Variants in CFAP57 observed in about 807,000 individuals in gnomAD.
CFAP57 encodes the protein cilia and flagella associated protein 57.
CFAP57 carries 116 observed loss-of-function variants against 146.8 expected under a neutral mutation model. The ratio of observed to expected loss-of-function variants is 0.79; its 90% CI spans 0.68 to 0.92. The LOEUF is 0.92. CFAP57 is among the 40% of genes least tolerant of loss of function. The pLI is 0.00. For missense variants in CFAP57, 1,377 were observed against 1,527.2 expected (o/e 0.90, Z 1.64); for synonymous variants, 518 against 552.8 (o/e 0.94, Z 0.88).
intron 17 of CFAP57, among the ~76,000 whole-genome samples, chr1:43,225,407 A>G (rs1309667985): frequency 1.3e-5 from 2 of 152,224 alleles, no homozygotes; most frequent in Non-Finnish European, 2.9e-5. Flanking sequence ...GTGTGAAACC[A>G]CCCATAAACA....
chr1:43,172,540 G>T (rs1265342283), intron 1 of CFAP57, 87 bp downstream of exon 1: 2 of 1,201,412 alleles, frequency 1.7e-6, no homozygotes, highest in East Asian at 2.7e-5. Flanking sequence ...CCGCGGGGGT[G>T]GGGTGGCGCG....
intron 6 of CFAP57, among the ~76,000 whole-genome samples, chr1:43,189,968 G>A (rs1337635506): frequency 2.6e-5 from 4 of 152,168 alleles, no homozygotes; most frequent in Admixed American, 2.6e-4. Flanking sequence ...AATGATCCAA[G>A]CACCTCCCAC....
intron 2 of CFAP57, among the ~76,000 whole-genome samples, chr1:43,176,253 G>A (rs560345385): frequency 6.6e-6 from 1 of 152,126 alleles, no homozygotes; most frequent in Non-Finnish European, 1.5e-5. Flanking sequence ...TACCTGCAAC[G>A]TGATCTAGAA....
chr1:43,181,814 T>A lies in CFAP57; in HGVS notation c.438T>A (p.Ile146=), dbSNP rs757907901. 3.7e-6 allele frequency: 6 copies of A among 1,614,076 alleles called. No individual in the cohort carries two copies. Among genetic ancestry groups the A allele is most frequent in the Non-Finnish European group, 5.1e-6 (6 of 1,180,038 alleles). ...WLWEKQKVMA[I]VRIDTQNNPV... ...GGGAAAAACAGAAAGTAATGGCCAT[T>A]GTTAGAATCGACACTCAGAACAACC... Residue 146 remains isoleucine (I), a synonymous_variant, in exon 3 of 23, where the codon ATT becomes ATA. Transcript: ENST00000372492.
intron 21 of CFAP57, among the ~76,000 whole-genome samples, chr1:43,236,375 A>AG (rs903066593): frequency 3.3e-5 from 5 of 152,008 alleles, no homozygotes; most frequent in African/African-American, 1.2e-4. Flanking sequence ...TTTAAAAAAA[A>AG]GAAAAGTTTT....
At chr1:43,172,544 T>TGGCGC (rs1645004699) in intron 1 of CFAP57, 91 bp downstream of exon 1, 1 of 759,586 alleles carries the variant, frequency 1.3e-6, no homozygotes, top group Non-Finnish European at 1.7e-6. Context: ...GGGGGTGGGG[T>TGGCGC]GGCGCGGAGG....
intron 17 of CFAP57, 102 bp from the exon 18 acceptor site, chr1:43,226,876 ACCTCT>A: frequency 7.8e-7 from 1 of 1,280,186 alleles, no homozygotes; most frequent in Non-Finnish European, 1.0e-6. Context: ...CTCCTGGTTG[ACCTCT>A]TCAACCAGGA....
rs1644356866 is a variant in CFAP57 at position 43,206,343 on chromosome 1, T to C, written c.1543-377T>C. The C allele has an allele frequency of 2.8e-5, 6 of 217,628 alleles. No homozygotes were observed. The South Asian group carries it at 4.4e-4, about 16-fold the overall frequency. 13.5% of individuals were successfully genotyped at this position (217,628 alleles called of 1,614,324 possible). On this transcript the variant is annotated intron_variant, in intron 9 of 22. Transcript: ENST00000372492. ...AGAGAGAAGGTCAAGTTGAGGTTCT[T>C]ACCGTGCCATTCCAGAAGTCCACTC...
chr1:43,241,860 G>A (rs1645937448), intron 21 of CFAP57, among the ~76,000 whole-genome samples: 1 of 152,184 alleles, frequency 6.6e-6, no homozygotes, highest in Non-Finnish European at 1.5e-5. Context: ...TGGGCTCTAA[G>A]AGCAAAGTGG....
chr1:43,206,992 G>A (rs929803854), intron 10 of CFAP57, 60 bp downstream of exon 10: 12 of 1,558,012 alleles, frequency 7.7e-6, no homozygotes, highest in Non-Finnish European at 9.7e-6. Context: ...ACAGCTTCCC[G>A]TGCTTACAGC....
intron 9 of CFAP57, among the ~76,000 whole-genome samples, chr1:43,202,789 AAAAC>A (rs1207201802): frequency 2.8e-5 from 4 of 144,982 alleles, no homozygotes; most frequent in East Asian, 4.2e-4. Flanking sequence ...CCTCAAAAAA[AAAAC>A]AAAATGAAAA....
intron 2 of CFAP57, among the ~76,000 whole-genome samples, chr1:43,175,857 C>T (rs10890240): frequency 0.28 from 39,569 of 142,564 alleles, 5,973 homozygotes; most frequent in Admixed American, 0.34. Flanking sequence ...ATTTTTTATA[C>T]CTTACTCTCT....
Position 43,186,829 on chromosome 1 carries a change from C to T in CFAP57, c.1092C>T (p.Ser364=). Residue 364 remains serine (S), a synonymous_variant, in exon 6 of 23, where the codon AGC becomes AGT. Coordinates refer to ENST00000372492, the MANE Select transcript of CFAP57 (RefSeq NM_001378189.1). The part of the protein sequence containing the change: ...VASTSKNQLY[S]ITMSLTEISK... ...GCACCAGTAAGAACCAACTCTACAG[C>T]ATCACCATGTCCCTGACAGAGATCA... 6.2e-7 allele frequency: 1 copy of T among 1,614,164 alleles called. No homozygotes were observed. Among genetic ancestry groups the T allele is most frequent in the Admixed American group, 1.7e-5 (1 of 60,020 alleles).
intron 5 of CFAP57, 49 bp from the exon 6 acceptor site, chr1:43,186,658 C>G (rs770511165): frequency 6.4e-7 from 1 of 1,550,666 alleles, no homozygotes; most frequent in Non-Finnish European, 8.9e-7. Flanking sequence ...CCTAAGGCCA[C>G]AATGACAACG....
chr1:43,185,258 T>G lies in CFAP57; in HGVS notation c.871T>G (p.Tyr291Asp). 3 of 1,614,188 alleles carry G rather than the reference T, an allele frequency of 1.9e-6. No homozygotes were observed. The South Asian group carries it at 3.3e-5, about 18-fold the overall frequency. Residue 291 changes from tyrosine (Y) to aspartate (D), a missense_variant, in exon 5 of 23, where the codon TAT (tyrosine) becomes GAT (aspartate). Tyr to Asp is a radical substitution (Grantham distance 160). Coordinates refer to ENST00000372492, the MANE Select transcript of CFAP57 (RefSeq NM_001378189.1). ...GCCCCAGGTGTTTGCCATTGCAGCCTATTCAAAGGGATTTGCCTGTTCTGC... is the reference window on the plus strand; with the variant it reads ...GCCCCAGGTGTTTGCCATTGCAGCCGATTCAAAGGGATTTGCCTGTTCTGC... ...SMPQVFAIAA[Y>D]SKGFACSAGP...
At chr1:43,208,347 A>G (rs905795434) in intron 10 of CFAP57, among the ~76,000 whole-genome samples, 8 of 152,210 alleles carry the variant, frequency 5.3e-5, no homozygotes, top group African/African-American at 1.4e-4. Context: ...AGACACATGC[A>G]CACGTATGTT....
intron 16 of CFAP57, 113 bp downstream of exon 16, chr1:43,223,110 CT>C: frequency 1.7e-6 from 2 of 1,177,848 alleles, no homozygotes; most frequent in Non-Finnish European, 2.3e-6. Context: ...CTGTCCCCAT[CT>C]TCAGCGAGCA....
In CFAP57 at chr1:43,172,903, C is replaced by T. The variant is rs1271883931; in HGVS notation, c.150C>T (p.Phe50=). ...KYNVDQKWQK[F]IPGSEKSQGM... is the part of the protein sequence containing the mutation. ...ATGTGGATCAGAAATGGCAAAAATT[C>T]ATTCCAGGTAAAACTTTTTCCATCC... The change falls in exon 2 of 23, where the codon TTC becomes TTT. Residue 50 remains phenylalanine (F), a synonymous_variant. Coordinates refer to ENST00000372492, the MANE Select transcript of CFAP57 (RefSeq NM_001378189.1). 3.1e-6 allele frequency: 5 copies of T among 1,613,802 alleles called. No homozygotes were observed. The highest frequency in any genetic ancestry group is 3.4e-6 in the Non-Finnish European group (4 of 1,179,862).
chr1:43,245,916 A>G (rs892437995), intron 22 of CFAP57, among the ~76,000 whole-genome samples: 5 of 152,230 alleles, frequency 3.3e-5, no homozygotes, highest in African/African-American at 7.2e-5. Flanking sequence ...TATACTAACA[A>G]TGTACTATCC....
Sources: gnomAD v4.1 joint callset for allele counts (sites outside exome capture counted in the v4.1 genomes callset) on GRCh38, gnomAD v4.1.1 for gene constraint, MANE v1.5 for transcripts, NCBI Gene and HGNC (gene_info 2026-07-23, HGNC 2026-07-21) for gene names.